Variants in CCDC51 observed in about 807,000 individuals in gnomAD.
CCDC51 encodes the protein mitochondrial potassium channel.
A neutral mutation model predicts 24.8 loss-of-function variants in CCDC51; 25 were observed. The ratio of observed to expected loss-of-function variants is 1.01; its 90% CI spans 0.73 to 1.41. The LOEUF (loss-of-function observed/expected upper bound fraction) is 1.41. Ranked by LOEUF, CCDC51 falls within the 40% of genes most tolerant of loss-of-function variation. CCDC51 has a pLI of 0.00. For synonymous variants in CCDC51, 190 were observed against 204.3 expected (o/e 0.93, Z 0.60); for missense variants, 466 against 519.1 (o/e 0.90, Z 0.99).
At chr3:48,441,182 A>T, upstream of CCDC51, 1 of 146,396 alleles carries the variant, frequency 6.8e-6, no homozygotes, top group Non-Finnish European at 1.5e-5. Flanking sequence ...CGCCTGGCTA[A>T]TTTTTTTTTT....
chr3:48,444,802 C>G (rs1294020388), upstream of CCDC51, among the ~76,000 whole-genome samples: 1 of 152,114 alleles, frequency 6.6e-6, no homozygotes, highest in African/African-American at 2.4e-5. Context: ...CCCATGCGCA[C>G]CAAACAGGTC....
In CCDC51 at chr3:48,432,831, G is replaced by A. The variant is rs1265738610; in HGVS notation, c.813C>T (p.Gly271=). 1 of 1,613,564 alleles carries A rather than the reference G, an allele frequency of 6.2e-7. No individual in the cohort carries two copies. The highest frequency in any genetic ancestry group is 1.3e-5 in the African/African-American group (1 of 74,900). The change falls in exon 4 of 4, where the codon GGC becomes GGT. Residue 271 remains glycine (G), a synonymous_variant. Coordinates refer to ENST00000395694, the MANE Select transcript of CCDC51 (RefSeq NM_001256964.2). ...DLHNLMVDLR[G]LVHAAGPGQD... ...GCCCTGGCCCAGCAGCATGTACCAG[G>A]CCCCTCAGGTCCACCATGAGATTGT...
chr3:48,432,360 C>A lies in CCDC51; in HGVS notation c.*48G>T. ...CATTGCTACGATTCTCTACTTAAAT[C>A]CACATTCACAGCTATTGCCTCAGAC... On this transcript the variant is annotated 3_prime_UTR_variant, in exon 4 of 4. Coordinates refer to ENST00000395694, the MANE Select transcript of CCDC51 (RefSeq NM_001256964.2). The A allele has an allele frequency of 6.2e-7, 1 of 1,600,178 alleles. No homozygotes were observed. Among genetic ancestry groups the A allele is most frequent in the Non-Finnish European group, 8.5e-7 (1 of 1,170,282 alleles).
rs1315763472 is a variant in CCDC51, at chr3:48,435,866, A to G, written c.-8-730T>C. Among the ~76,000 whole-genome samples, 1 of 151,940 alleles carries G rather than the reference A, an allele frequency of 6.6e-6. No homozygotes were observed. Among genetic ancestry groups the G allele is most frequent in the Admixed American group, 6.5e-5 (1 of 15,268 alleles). On this transcript the variant is annotated intron_variant, in intron 1 of 3. Coordinates refer to ENST00000395694, the MANE Select transcript of CCDC51 (RefSeq NM_001256964.2). This position sits in a 1 kb window ranked among gnomAD's most constrained non-coding sequence, Gnocchi z 4.2. ...CGCCCCCAGACTTTCCAGGCTACCA[A>G]CTCTCAGTCTCACACTTCACGACTT...
upstream of CCDC51, chr3:48,440,327 A>G (rs1345685471): frequency 6.2e-7 from 1 of 1,611,624 alleles, no homozygotes; most frequent in Admixed American, 1.7e-5. Flanking sequence ...GTGTTCCGGA[A>G]CCGTGAGGAC....
chr3:48,440,538 C>T, upstream of CCDC51: 1 of 1,610,860 alleles, frequency 6.2e-7, no homozygotes, highest in Non-Finnish European at 8.5e-7. Flanking sequence ...TGCCTCTCCC[C>T]AGGAAGATAA....
upstream of CCDC51, among the ~76,000 whole-genome samples, chr3:48,444,392 C>T (rs1194383274): frequency 1.3e-5 from 2 of 152,108 alleles, no homozygotes; most frequent in Middle Eastern, 3.2e-3. Flanking sequence ...CCTGCTTTGG[C>T]CTCCCAAGTA....
At position 48,434,933 on chromosome 3, in the gene CCDC51, C is replaced by A; in HGVS notation, c.196G>T (p.Ala66Ser). ...CGTTGCTGAATGCTGTGCCCCAGGG[C>A]TCTTCCCAGTGCTGGGAGGCGGTGG... ...LHHRLPALGR[A>S]LGHSIQQRAT... The change falls in exon 2 of 4, where the codon GCC (alanine) becomes TCC (serine). Residue 66 changes from alanine to serine, a missense_variant. By Grantham distance (99) the Ala-to-Ser change is moderately conservative (BLOSUM62 1). Coordinates refer to ENST00000395694, the MANE Select transcript of CCDC51 (RefSeq NM_001256964.2). 1.9e-6 allele frequency: 3 copies of A among 1,614,244 alleles called. No individual in the cohort carries two copies. Among genetic ancestry groups the A allele is most frequent in the Non-Finnish European group, 2.5e-6 (3 of 1,180,048 alleles).
the CCDC51 span, among the ~76,000 whole-genome samples, chr3:48,445,604 A>G: frequency 7.2e-5 from 11 of 152,356 alleles, 1 homozygote; most frequent in African/African-American, 2.4e-4. Context: ...CCAGGACCAG[A>G]GTCCTGCAGC....
At chr3:48,440,262 C>T (rs201530127), upstream of CCDC51, 32 of 1,581,526 alleles carry the variant, frequency 2.0e-5, no homozygotes, top group East Asian at 2.0e-4. Context: ...GCTCCGTTTC[C>T]GGTGGCAGGG....
chr3:48,433,695 T>G lies in CCDC51; in HGVS notation c.477+12A>C. The G allele has an allele frequency of 6.2e-7, 1 of 1,611,148 alleles. No individual in the cohort carries two copies. Among genetic ancestry groups the G allele is most frequent in the Non-Finnish European group, 8.5e-7 (1 of 1,178,208 alleles). On this transcript the variant is annotated intron_variant, in intron 3 of 3. Transcript: ENST00000395694. This position sits in a 1 kb window ranked among gnomAD's most constrained non-coding sequence, Gnocchi z 4.4. ...GTCCAGGTGCGAAAGGGCTGCCTCC[T>G]GAGGTGCCTACCTGCAGCATCCTGT...
Position 48,433,668 on chromosome 3 carries a change from C to CT in CCDC51, c.477+38dup. 1 of 1,592,164 alleles carries CT rather than the reference C, an allele frequency of 6.3e-7. No homozygotes were observed. On this transcript the variant is annotated intron_variant, in intron 3 of 3. Coordinates refer to ENST00000395694, the MANE Select transcript of CCDC51 (RefSeq NM_001256964.2). This position sits in a 1 kb window ranked among gnomAD's most constrained non-coding sequence, Gnocchi z 4.4. ...TCCATGATCTGCCAGGCTAGGGTCA[C>CT]TGTCCAGGTGCGAAAGGGCTGCCTC...
Position 48,433,183 on chromosome 3 carries a change from A to G in CCDC51, c.478-17T>C. ...CTTCTCCTCCTGCAGAAGCAAAGCC[A>G]TGTTATTGGATTACATGGGCACAAG... On this transcript the variant is annotated splice_polypyrimidine_tract_variant and intron_variant, in intron 3 of 3. Coordinates refer to ENST00000395694, the MANE Select transcript of CCDC51 (RefSeq NM_001256964.2). This position sits in a 1 kb window ranked among gnomAD's most constrained non-coding sequence, Gnocchi z 4.4. 1 of 1,605,800 alleles carries G rather than the reference A, an allele frequency of 6.2e-7. No homozygotes were observed. The highest frequency in any genetic ancestry group is 8.5e-7 in the Non-Finnish European group (1 of 1,175,300).
chr3:48,443,664 T>TC (rs1449307482), upstream of CCDC51, among the ~76,000 whole-genome samples: 1 of 152,020 alleles, frequency 6.6e-6, no homozygotes, highest in Non-Finnish European at 1.5e-5. Context: ...CTGCTTGTAC[T>TC]CCATCTCATC....
the CCDC51 span, chr3:48,446,608 A>C: frequency 2.0e-4 from 81 of 398,162 alleles, 1 homozygote; most frequent in Non-Finnish European, 2.8e-4. Flanking sequence ...CTTGCAGCAA[A>C]CCTGCCGAAT....
chr3:48,441,649 AT>A (rs2039572617), upstream of CCDC51, among the ~76,000 whole-genome samples: 1 of 152,070 alleles, frequency 6.6e-6, no homozygotes, highest in Admixed American at 6.6e-5. Flanking sequence ...CCTTTTTTAC[AT>A]CTTTTATGTA....
In CCDC51 at chr3:48,435,058, C is replaced by A; in HGVS notation, c.71G>T (p.Gly24Val). 1 of 1,613,504 alleles carries A rather than the reference C, an allele frequency of 6.2e-7. No individual in the cohort carries two copies. The change falls in exon 2 of 4, where the codon GGC becomes GTC. Residue 24 changes from glycine to valine, a missense_variant. By Grantham distance (109) the Gly-to-Val change is moderately radical. Transcript: ENST00000395694. This position sits in a 1 kb window ranked among gnomAD's most constrained non-coding sequence, Gnocchi z 4.2. Reference protein sequence around the residue: ...VGVPHVLVRRGLLGRDLFMTR... With the variant: ...VGVPHVLVRRVLLGRDLFMTR... ...CATGAAGAGGTCCCTTCCAAGGAGG[C>A]CCCTCCGAACCAGTACGTGGGGCAC...
rs916927515 is a variant in CCDC51, at chr3:48,433,566, T to C, written c.477+141A>G. On this transcript the variant is annotated intron_variant, in intron 3 of 3. Transcript: ENST00000395694. The surrounding 1 kb of genome is among the most constrained non-coding windows in gnomAD (Gnocchi z 4.4). ...TAGACTCTGGAAGCTTGGGGTTCTG[T>C]CCATCCATAGGAGCTTCTGGCTCAC... The C allele has an allele frequency of 2.3e-6, 2 of 876,296 alleles. No individual in the cohort carries two copies. Among genetic ancestry groups the C allele is most frequent in the Non-Finnish European group, 3.5e-6 (2 of 566,778 alleles). The allele number at this position is 876,296 out of a possible 1,614,324, so 54.3% of individuals were successfully genotyped here.
At chr3:48,439,005 G>C (rs1656360136) in intron 1 of CCDC51, among the ~76,000 whole-genome samples, 1 of 152,212 alleles carries the variant, frequency 6.6e-6, no homozygotes, top group Middle Eastern at 3.4e-3. Flanking sequence ...GGGCCTTCAC[G>C]ACAGCTGCTA....
Sources: allele counts gnomAD v4.1 joint callset (sites outside exome capture counted in the v4.1 genomes callset), GRCh38; gene constraint gnomAD v4.1.1; non-coding constraint Gnocchi (gnomAD v3.1); transcripts MANE v1.5; gene names NCBI Gene and HGNC (gene_info 2026-07-23, HGNC 2026-07-21).